The following CAPN6 variants were observed in gnomAD, a reference collection of about 807,000 sequenced individuals.
CAPN6 encodes the protein calpain-6.
CAPN6 carries 16 observed loss-of-function variants against 46.0 expected under a neutral mutation model. The observed-to-expected ratio is 0.35, with a 90% CI of 0.24 to 0.53. The LOEUF is 0.53. CAPN6 is among the 20% of genes least tolerant of loss of function. The pLI is 0.94. For missense variants in CAPN6, 461 were observed against 498.0 expected (o/e 0.93, Z 0.71); for synonymous variants, 206 against 172.8 (o/e 1.19, Z -1.51).
rs1449609316 is a variant in CAPN6 at position 111,251,603 on chromosome X, A to T, written c.839T>A (p.Val280Asp). ...EVFSAEKVYM[V>D]RLRNPLGRQE... is the part of the protein sequence containing the mutation. ...TCTTCCCAAGGGGTTTCTCAGGCGA[A>T]CCATATACACCTTCTCAGCACTGAA... The change falls in exon 6 of 13, where the codon GTT becomes GAT. Residue 280 changes from valine (V) to aspartate (D), a missense_variant. Coordinates refer to ENST00000324068, the MANE Select transcript of CAPN6 (RefSeq NM_014289.4). 3 of 1,207,950 alleles carry T rather than the reference A, an allele frequency of 2.5e-6. No homozygotes were observed. The highest frequency in any genetic ancestry group is 2.2e-6 in the Non-Finnish European group (2 of 893,683).
At chrX:111,249,081 A>T (rs1413227035) in intron 8 of CAPN6, 24 bp from the exon 9 acceptor site, 1 of 1,201,438 alleles carries the variant, frequency 8.3e-7, no homozygotes, top group East Asian at 3.0e-5. Flanking sequence ...ACCACCACAG[A>T]GGTGAGTTAG....
At chrX:111,251,797 C>T in intron 5 of CAPN6, 55 bp from the exon 6 acceptor site, 1 of 1,001,985 alleles carries the variant, frequency 1.0e-6, no homozygotes, top group Middle Eastern at 2.7e-4. Context: ...CCAATCCTGA[C>T]TCCTCTTCTT....
chrX:111,267,362 A>G (rs2094992757), intron 1 of CAPN6, among the ~76,000 whole-genome samples: 1 of 111,065 alleles, frequency 9.0e-6, no homozygotes, highest in African/African-American at 3.3e-5. Flanking sequence ...TATAATTCAG[A>G]TCCACCACTT....
At chrX:111,262,066 C>T (rs1401169387) in intron 2 of CAPN6, among the ~76,000 whole-genome samples, 2 of 110,610 alleles carry the variant, frequency 1.8e-5, no homozygotes, top group South Asian at 3.8e-4. Flanking sequence ...TCCCAGACAA[C>T]GTATCTCTAT....
At chrX:111,249,280 C>T (rs1335639660) in intron 8 of CAPN6, among the ~76,000 whole-genome samples, 1 of 112,007 alleles carries the variant, frequency 8.9e-6, no homozygotes, top group Non-Finnish European at 1.9e-5. Flanking sequence ...TGTTGAAGGA[C>T]AACCTTATTC....
At chrX:111,260,298 G>A (rs1434818497) in intron 2 of CAPN6, among the ~76,000 whole-genome samples, 6 of 112,644 alleles carry the variant, frequency 5.3e-5, no homozygotes, top group Admixed American at 3.7e-4. Flanking sequence ...AAGGCGGCGA[G>A]GGGCGGAGCT....
chrX:111,251,329 T>C (rs773824516), intron 6 of CAPN6, 43 bp from the exon 7 acceptor site: 9 of 1,131,190 alleles, frequency 8.0e-6, no homozygotes, highest in Non-Finnish European at 1.1e-5. Context: ...AATCATTATG[T>C]TTGCCATTGA....
chrX:111,257,551 G>A (rs1603408831), intron 2 of CAPN6, among the ~76,000 whole-genome samples: 2 of 112,283 alleles, frequency 1.8e-5, no homozygotes, highest in African/African-American at 6.5e-5. Context: ...AGGGTAATAA[G>A]CCAATGCAAA....
In CAPN6 at chrX:111,251,575, C is replaced by T. The variant is rs2094979540; in HGVS notation, c.867G>A (p.Gln289=). ...TTTCACTCCAGGGGCCACTCCATTC[C>T]TGTCTTCCCAAGGGGTTTCTCAGGC... ...MVRLRNPLGR[Q]EWSGPWSEIS... Residue 289 remains glutamine (Q), a synonymous_variant, in exon 6 of 13, where the codon CAG becomes CAA. Transcript: ENST00000324068. 1 of 1,209,258 alleles carries T rather than the reference C, an allele frequency of 8.3e-7. No homozygotes were observed. Among genetic ancestry groups the T allele is most frequent in the Non-Finnish European group, 1.1e-6 (1 of 893,382 alleles).
rs1603409554 is a variant in CAPN6 at position 111,270,401 on chromosome X, G to A, written c.-46C>T. 1 of 349,209 alleles carries A rather than the reference G, an allele frequency of 2.9e-6. No individual in the cohort carries two copies. Among genetic ancestry groups the A allele is most frequent in the East Asian group, 9.7e-5 (1 of 10,353 alleles). The allele number at this position is 349,209 out of a possible 1,213,427, so 28.8% of individuals were successfully genotyped here. ...TTATCCCAGGAGCCCTGCTGCTGCT[G>A]CTGCTGCTGCTGCTGCTGCTGCTGC... On this transcript the variant is annotated 5_prime_UTR_variant, in exon 1 of 13. Coordinates refer to ENST00000324068, the MANE Select transcript of CAPN6 (RefSeq NM_014289.4).
chrX:111,247,337 C>G, intron 12 of CAPN6, 31 bp downstream of exon 12: 1 of 1,153,344 alleles, frequency 8.7e-7, no homozygotes, highest in Non-Finnish European at 1.2e-6. Flanking sequence ...AAAGTATGAG[C>G]CTTTCTGGCG....
intron 12 of CAPN6, among the ~76,000 whole-genome samples, chrX:111,247,015 A>G (rs1483945247): frequency 1.8e-5 from 2 of 111,829 alleles, no homozygotes; most frequent in Non-Finnish European, 3.8e-5. Flanking sequence ...AGGAGTATTA[A>G]GTCAGAAAAA....
chrX:111,262,778 G>A (rs1217819046), intron 2 of CAPN6, among the ~76,000 whole-genome samples: 1 of 111,900 alleles, frequency 8.9e-6, no homozygotes, highest in East Asian at 2.8e-4. Flanking sequence ...TAGTGAAAGG[G>A]TTCTGAAACT....
chrX:111,253,525 G>A (rs1400148101), intron 3 of CAPN6, among the ~76,000 whole-genome samples: 7 of 112,125 alleles, frequency 6.2e-5, no homozygotes, highest in South Asian at 3.7e-4. Context: ...GTTGAGAAGC[G>A]GACTATATAA....
intron 1 of CAPN6, among the ~76,000 whole-genome samples, chrX:111,269,494 A>G (rs2094994419): frequency 8.9e-6 from 1 of 112,484 alleles, no homozygotes; most frequent in Admixed American, 9.4e-5. Flanking sequence ...AATTGTTAGG[A>G]CAGCAGAATT....
intron 2 of CAPN6, among the ~76,000 whole-genome samples, chrX:111,258,178 T>G (rs2147535531): frequency 9.0e-6 from 1 of 111,676 alleles, no homozygotes; most frequent in Admixed American, 9.5e-5. Flanking sequence ...ACATCCAAAT[T>G]CAGCATTTTT....
At chrX:111,252,206 T>A in intron 5 of CAPN6, 101 bp downstream of exon 5, 1 of 666,056 alleles carries the variant, frequency 1.5e-6, no homozygotes, top group Non-Finnish European at 2.2e-6. Context: ...CATTAATAGT[T>A]TTTCATGGGT....
At chrX:111,259,145 A>G (rs1403288113) in intron 2 of CAPN6, among the ~76,000 whole-genome samples, 1 of 112,670 alleles carries the variant, frequency 8.9e-6, no homozygotes, top group East Asian at 2.8e-4. Context: ...TAAATTTACT[A>G]AAAATCATTG....
chrX:111,265,992 T>G, intron 1 of CAPN6, among the ~76,000 whole-genome samples: 1 of 111,068 alleles, frequency 9.0e-6, no homozygotes, highest in Non-Finnish European at 1.9e-5. Flanking sequence ...AGGCAGAATG[T>G]ACAGCTCACA....
Sources: allele counts gnomAD v4.1 joint callset (sites outside exome capture counted in the v4.1 genomes callset), GRCh38; gene constraint gnomAD v4.1.1; transcripts MANE v1.5; gene names NCBI Gene and HGNC (gene_info 2026-07-23, HGNC 2026-07-21).